ROBO2: variants seen among roughly 807,000 people sequenced by gnomAD.
ROBO2 encodes the protein roundabout homolog 2.
A neutral mutation model predicts 160.8 loss-of-function variants in ROBO2; 53 were observed. The observed-to-expected ratio is 0.33, with a 90% CI of 0.26 to 0.41. The LOEUF is 0.41. Among genes scored for constraint, ROBO2 ranks in the 10% least tolerant of loss-of-function variants. The pLI, the probability that ROBO2 is intolerant of heterozygous loss-of-function variation, is 1.00. For synonymous variants in ROBO2, 664 were observed against 611.7 expected, an observed-to-expected ratio of 1.09 and a Z score of -1.26; for missense variants, 1,577 against 1,722.4, an observed-to-expected ratio of 0.92 and a Z score of 1.49.
chr3:76,123,367 A>G (rs887453356), intron 2 of ROBO2, among the ~76,000 whole-genome samples: 1 of 152,058 alleles, frequency 6.6e-6, no homozygotes, highest in Non-Finnish European at 1.5e-5. Context: ...TGAATAAACT[A>G]TTGTTAAGGT....
At chr3:77,277,169 T>TTTCTTTCTTTCTTTCTTTCTTTCTTTC in intron 2 of ROBO2, among the ~76,000 whole-genome samples, 2 of 95,334 alleles carry the variant, frequency 2.1e-5, no homozygotes, top group African/African-American at 9.2e-5. Flanking sequence ...TCTTTCTTTC[T>TTTCTTTCTTTCTTTCTTTCTTTCTTTC]TTCTTTCTTT....
intron 2 of ROBO2, among the ~76,000 whole-genome samples, chr3:76,243,001 T>C (rs1705389236): frequency 6.6e-6 from 1 of 152,148 alleles, no homozygotes; most frequent in Non-Finnish European, 1.5e-5. Context: ...CATGGACGAT[T>C]CCCCCGCTTC....
chr3:76,081,683 T>C (rs994947228), intron 2 of ROBO2, among the ~76,000 whole-genome samples: 1 of 152,050 alleles, frequency 6.6e-6, no homozygotes, highest in Non-Finnish European at 1.5e-5. Context: ...GAGCTTAAGA[T>C]CCCCTTTTCA....
chr3:76,969,944 G>C (rs551584502), intron 2 of ROBO2, among the ~76,000 whole-genome samples: 2 of 152,010 alleles, frequency 1.3e-5, no homozygotes, highest in East Asian at 3.9e-4. Context: ...GCAATAAGTG[G>C]CATAAGAGTA....
chr3:76,949,457 C>T (rs542521100), intron 2 of ROBO2, among the ~76,000 whole-genome samples: 5 of 152,278 alleles, frequency 3.3e-5, no homozygotes, highest in African/African-American at 7.2e-5. Context: ...GTGAGTGTAA[C>T]TATGAAATCT....
chr3:76,175,447 A>G (rs896326711), intron 2 of ROBO2, among the ~76,000 whole-genome samples: 3 of 152,052 alleles, frequency 2.0e-5, no homozygotes, highest in African/African-American at 7.2e-5. Flanking sequence ...CTGAACGTTG[A>G]TTGAGATAAT....
chr3:77,512,384 T>C (rs909229914), intron 5 of ROBO2, among the ~76,000 whole-genome samples: 2 of 151,940 alleles, frequency 1.3e-5, no homozygotes, highest in African/African-American at 2.4e-5. Flanking sequence ...AGGTAAAAGA[T>C]TTAAGTTTCT....
intron 2 of ROBO2, among the ~76,000 whole-genome samples, chr3:76,152,358 A>C (rs936064306): frequency 6.6e-6 from 1 of 152,212 alleles, no homozygotes; most frequent in African/African-American, 2.4e-5. Flanking sequence ...TGTAGGATGC[A>C]TTAATAGAGC....
At chr3:77,649,446 C>T (rs1416407264) in exon 26 of ROBO2, 1 of 152,132 alleles carries the variant, frequency 6.6e-6, no homozygotes, top group Non-Finnish European at 1.5e-5. Context: ...TTTATCTTCA[C>T]TACTGGGAAG....
At chr3:77,596,579 G>T in intron 18 of ROBO2, 44 bp from the exon 20 acceptor site, 9 of 1,612,556 alleles carry the variant, frequency 5.6e-6, no homozygotes, top group Non-Finnish European at 7.6e-6. Context: ...TCAAAATCTT[G>T]CATTGAGCTC....
chr3:76,280,459 C>A lies in ROBO2; in HGVS notation c.109+342857C>A, dbSNP rs370206678. Among the ~76,000 whole-genome samples, 47 of 152,106 alleles carry A rather than the reference C, an allele frequency of 3.1e-4. No individual in the cohort carries two copies. In the East Asian group the frequency reaches 5.6e-3, roughly 18 times the overall value. ...CCATGAGAAGGCAGCAATCTGCAAGCCAGAAAGAGAGCCCTTACCAGAAAC... is the reference window on the plus strand; with the variant it reads ...CCATGAGAAGGCAGCAATCTGCAAGACAGAAAGAGAGCCCTTACCAGAAAC... On this transcript the variant is annotated intron_variant, in intron 2 of 26. Coordinates refer to the ROBO2 transcript ENST00000487694.
chr3:76,506,200 T>C (rs937854956), intron 2 of ROBO2, among the ~76,000 whole-genome samples: 8 of 152,196 alleles, frequency 5.3e-5, no homozygotes, highest in African/African-American at 1.4e-4. Flanking sequence ...TACAATGTAA[T>C]ATCTTGCTTT....
At chr3:76,926,649 G>C (rs2077010377) in intron 2 of ROBO2, among the ~76,000 whole-genome samples, 2 of 152,196 alleles carry the variant, frequency 1.3e-5, no homozygotes, top group Non-Finnish European at 2.9e-5. Context: ...GTAGTAAGTA[G>C]GGAGAGAGAG....
intron 2 of ROBO2, among the ~76,000 whole-genome samples, chr3:77,196,825 G>A (rs1157502574): frequency 6.6e-6 from 1 of 151,688 alleles, no homozygotes; most frequent in Admixed American, 6.6e-5. Context: ...AGCAAAATCA[G>A]GTACAAGTAG....
At chr3:76,844,787 A>C (rs2068626316) in intron 2 of ROBO2, among the ~76,000 whole-genome samples, 1 of 151,968 alleles carries the variant, frequency 6.6e-6, no homozygotes, top group Non-Finnish European at 1.5e-5. Context: ...CCTAAGACTG[A>C]AGAAAGAATA....
chr3:77,136,076 T>C (rs1391728364), intron 2 of ROBO2, among the ~76,000 whole-genome samples: 2 of 152,194 alleles, frequency 1.3e-5, no homozygotes, highest in Non-Finnish European at 2.9e-5. Context: ...TTTTACCAGC[T>C]TTTGCCTTTG....
chr3:76,436,159 A>AACACACACAC (rs3065704), intron 2 of ROBO2, among the ~76,000 whole-genome samples: 99 of 140,590 alleles, frequency 7.0e-4, no homozygotes, highest in African/African-American at 1.1e-3. Context: ...TTAAAAGGAA[A>AACACACACAC]ACACACACAC....
At chr3:76,541,479 A>T (rs1028784232) in intron 2 of ROBO2, among the ~76,000 whole-genome samples, 2 of 152,086 alleles carry the variant, frequency 1.3e-5, no homozygotes, top group African/African-American at 4.8e-5. Flanking sequence ...TTATTTCTTC[A>T]TTGTTATTTC....
chr3:76,202,545 A>G (rs1702585995), intron 2 of ROBO2, among the ~76,000 whole-genome samples: 2 of 152,162 alleles, frequency 1.3e-5, no homozygotes, highest in African/African-American at 4.8e-5. Context: ...GAATTTATTA[A>G]ATGGATCATA....
Sources: gnomAD v4.1 joint callset for allele counts (sites outside exome capture counted in the v4.1 genomes callset) on GRCh38, gnomAD v4.1.1 for gene constraint, MANE v1.5 for transcripts, NCBI Gene and HGNC (gene_info 2026-07-23, HGNC 2026-07-21) for gene names.